The following AKAP12 variants were observed in gnomAD, a reference collection of about 807,000 sequenced individuals.
The protein encoded by AKAP12 is A-kinase anchoring protein 12.
Under a neutral mutation model 79.9 loss-of-function variants are expected in AKAP12, and 32 were observed. The ratio of observed to expected loss-of-function variants is 0.40; its 90% CI spans 0.30 to 0.54. AKAP12 has a LOEUF of 0.54. AKAP12 is among the 20% of genes least tolerant of loss of function. AKAP12 has a pLI of 0.48. For synonymous variants in AKAP12, 808 were observed against 857.0 expected (o/e 0.94, Z 1.00); for missense variants, 2,074 against 2,177.0 (o/e 0.95, Z 0.94).
intron 3 of AKAP12, among the ~76,000 whole-genome samples, chr6:151,322,143 C>CAA (rs1171426688): frequency 6.6e-6 from 1 of 151,892 alleles, no homozygotes; most frequent in African/African-American, 2.4e-5. Flanking sequence ...CTCCTGATCT[C>CAA]GTGATCTGCC....
rs572078847 is a variant in AKAP12, at chr6:151,325,161, G to T, written c.319+19258G>T. 5.5e-4 allele frequency: 539 copies of T among 985,408 alleles called. 7 individuals are homozygous for T. The South Asian group carries it at 0.017, about 31-fold the overall frequency. The allele number at this position is 985,408 out of a possible 1,614,324, so 61.0% of individuals were successfully genotyped here. ...GAGAGTTGCCAGTCTTCAGAGCAGTGCAACGTGTGTGTATGCGTAAGACAC... is the reference window on the plus strand; with the variant it reads ...GAGAGTTGCCAGTCTTCAGAGCAGTTCAACGTGTGTGTATGCGTAAGACAC... On this transcript the variant is annotated intron_variant, in intron 3 of 4. Coordinates refer to ENST00000402676, the MANE Select transcript of AKAP12 (RefSeq NM_005100.4).
intron 3 of AKAP12, among the ~76,000 whole-genome samples, chr6:151,312,996 G>A (rs1244287653): frequency 1.3e-5 from 2 of 152,154 alleles, no homozygotes; most frequent in African/African-American, 2.4e-5. Flanking sequence ...GGAGTTCACA[G>A]TATTACATTT....
At chr6:151,253,536 T>C (rs1797231469) in intron 2 of AKAP12, among the ~76,000 whole-genome samples, 1 of 152,156 alleles carries the variant, frequency 6.6e-6, no homozygotes, top group Non-Finnish European at 1.5e-5. Context: ...AAAACAGTCT[T>C]ATTCAACATC....
intron 3 of AKAP12, among the ~76,000 whole-genome samples, chr6:151,340,201 G>A (rs1425960524): frequency 1.3e-5 from 2 of 150,940 alleles, no homozygotes; most frequent in African/African-American, 2.4e-5. Flanking sequence ...CCAAAGTGCT[G>A]GGTTACAGTC....
chr6:151,334,900 G>A (rs1026889546), intron 3 of AKAP12, among the ~76,000 whole-genome samples: 7 of 152,148 alleles, frequency 4.6e-5, no homozygotes, highest in African/African-American at 7.2e-5. Flanking sequence ...TGGGATTACA[G>A]GCGTGAACCG....
Position 151,312,736 on chromosome 6 carries a change from A to G in AKAP12, c.319+6833A>G, listed in dbSNP as rs56364982. On this transcript the variant is annotated intron_variant, in intron 3 of 4. Transcript: ENST00000402676. ...GAATCCGGGAGCTGGAGGTTGTAGT[A>G]AGCCGAGATCGTGCCACTGCACTCC... Among the ~76,000 whole-genome samples the G allele has an allele frequency of 3.5e-3, 518 of 147,808 alleles. 5 individuals are homozygous for G. Among genetic ancestry groups the G allele is most frequent in the African/African-American group, 0.013 (497 of 39,528 alleles).
intron 3 of AKAP12, among the ~76,000 whole-genome samples, chr6:151,312,944 G>A (rs1017038974): frequency 1.3e-5 from 2 of 152,122 alleles, no homozygotes; most frequent in Admixed American, 1.3e-4. Context: ...CAGAGGTAGC[G>A]CTCAGCAAAT....
In AKAP12 at chr6:151,348,695, C is replaced by CCCCCCT; in HGVS notation, c.320-14_320-13insCCCTCC. On this transcript the variant is annotated splice_polypyrimidine_tract_variant and intron_variant, in intron 3 of 4. Coordinates refer to ENST00000402676, the MANE Select transcript of AKAP12 (RefSeq NM_005100.4). ...TTTTCTCTTCTCCCCACCCCCCCGC[C>CCCCCCT]CCTTTTTGTTAATAGTTGGACAGAG... The CCCCCCT allele has an allele frequency of 2.4e-6, 1 of 423,942 alleles. No individual in the cohort carries two copies. Among genetic ancestry groups the CCCCCCT allele is most frequent in the Non-Finnish European group, 4.4e-6 (1 of 225,752 alleles). 26.3% of individuals were successfully genotyped at this position (423,942 alleles called of 1,614,324 possible).
At chr6:151,307,976 C>T (rs1288009831) in intron 3 of AKAP12, among the ~76,000 whole-genome samples, 1 of 152,010 alleles carries the variant, frequency 6.6e-6, no homozygotes, top group Non-Finnish European at 1.5e-5. Flanking sequence ...TCCCCCGCCT[C>T]CGGCTCCAGT....
At position 151,350,463 on chromosome 6, in the gene AKAP12, G is replaced by C; in HGVS notation, c.2072G>C (p.Arg691Thr). The change falls in exon 4 of 5, where the codon AGA (arginine) becomes ACA (threonine). Residue 691 changes from arginine (R) to threonine (T), a missense_variant. Arg to Thr is a moderately conservative substitution (Grantham distance 71, BLOSUM62 -1). Around this residue, in one of 3 missense-constraint regions of AKAP12, gnomAD observed 1,428 missense variants for 1,451.0 expected, o/e 0.98. Coordinates refer to ENST00000402676, the MANE Select transcript of AKAP12 (RefSeq NM_005100.4). This position sits in a 1 kb window ranked among gnomAD's most constrained non-coding sequence, Gnocchi z 4.8. Reference sequence around the variant, plus strand: ...ATTTGTGTGGGATCATCCAAGAAAAGAGCAAGGAGAGGGTCCTCTTCTGAT... The same window carrying C: ...ATTTGTGTGGGATCATCCAAGAAAACAGCAAGGAGAGGGTCCTCTTCTGAT... ...ALICVGSSKK[R>T]ARRGSSSDEE... is the part of the protein sequence containing the mutation. 1.9e-6 allele frequency: 3 copies of C among 1,614,122 alleles called. No homozygotes were observed. The highest frequency in any genetic ancestry group is 1.1e-5 in the South Asian group (1 of 91,076).
chr6:151,259,870 C>T (rs1797385076), intron 2 of AKAP12, among the ~76,000 whole-genome samples: 1 of 151,476 alleles, frequency 6.6e-6, no homozygotes. Flanking sequence ...AGCCACTGCA[C>T]CCAGCCGACC....
Position 151,352,479 on chromosome 6 carries a change from C to G in AKAP12, c.4088C>G (p.Ala1363Gly), listed in dbSNP as rs1207601921. Residue 1363 changes from alanine (A) to glycine (G), a missense_variant, in exon 4 of 5, where the codon GCT becomes GGT. Physicochemically the swap from Ala to Gly is moderately conservative, Grantham distance 60. This residue lies in a region of AKAP12 where 614 missense variants were observed against 665.6 expected (regional missense o/e 0.92). Transcript: ENST00000402676. ...GAAGAGAAGCTTGAGCACGAAACAG[C>G]TGTTACCGTATCTGAAGAGGTCAGT... ...VNEEKLEHET[A>G]VTVSEEVSKQ... The G allele has an allele frequency of 6.2e-7, 1 of 1,614,074 alleles. No individual in the cohort carries two copies. The highest frequency in any genetic ancestry group is 8.5e-7 in the Non-Finnish European group (1 of 1,180,048).
chr6:151,326,128 TG>T (rs1205785282), intron 3 of AKAP12, among the ~76,000 whole-genome samples: 4 of 152,242 alleles, frequency 2.6e-5, no homozygotes, highest in Non-Finnish European at 5.9e-5. Flanking sequence ...TCTTCTTGAC[TG>T]TGCCTATGGG....
At chr6:151,252,007 C>CAAAT (rs946960353) in intron 2 of AKAP12, among the ~76,000 whole-genome samples, 6 of 151,886 alleles carry the variant, frequency 4.0e-5, no homozygotes, top group Admixed American at 2.0e-4. Flanking sequence ...CCTCAATAAA[C>CAAAT]AAATAAATAA....
chr6:151,310,908 A>C (rs777562260), intron 3 of AKAP12, among the ~76,000 whole-genome samples: 2 of 152,120 alleles, frequency 1.3e-5, no homozygotes, highest in Non-Finnish European at 2.9e-5. Context: ...CTTTTCTCCA[A>C]CCTTCACAGG....
At chr6:151,284,096 G>C (rs1014588169) in intron 2 of AKAP12, among the ~76,000 whole-genome samples, 1 of 152,178 alleles carries the variant, frequency 6.6e-6, no homozygotes, top group South Asian at 2.1e-4. Context: ...GAACGCACGA[G>C]TAACCCTCTC....
chr6:151,341,733 C>A, intron 3 of AKAP12: 2 of 1,276,104 alleles, frequency 1.6e-6, no homozygotes, highest in Non-Finnish European at 1.0e-6. Flanking sequence ...GCAGCGATGG[C>A]GGACACGGAA....
intron 3 of AKAP12, among the ~76,000 whole-genome samples, chr6:151,339,259 C>T (rs137879975): frequency 1.3e-5 from 2 of 152,288 alleles, no homozygotes; most frequent in African/African-American, 4.8e-5. Context: ...AATGTTTATG[C>T]TTTAAAAGTG....
intron 2 of AKAP12, among the ~76,000 whole-genome samples, chr6:151,270,639 C>G (rs1242481523): frequency 6.6e-6 from 1 of 152,168 alleles, no homozygotes. Context: ...ATTTTAAATT[C>G]TAACCAGCAG....
Sources: allele counts gnomAD v4.1 joint callset (sites outside exome capture counted in the v4.1 genomes callset), GRCh38; gene constraint gnomAD v4.1.1; regional missense constraint gnomAD v4.1.1; non-coding constraint Gnocchi (gnomAD v3.1); transcripts MANE v1.5; gene names NCBI Gene and HGNC (gene_info 2026-07-23, HGNC 2026-07-21).